Variants in CACNA1C observed in about 807,000 individuals in gnomAD.
The protein encoded by CACNA1C is calcium voltage-gated channel subunit alpha1 C.
In CACNA1C, 30 loss-of-function variants were observed where a neutral mutation model predicts 229.0. The ratio of observed to expected loss-of-function variants is 0.13; its 90% confidence interval spans 0.10 to 0.18. CACNA1C has a LOEUF of 0.18. CACNA1C is among the 10% of genes least tolerant of loss of function. The pLI is 1.00. For synonymous variants in CACNA1C, 1,114 were observed against 1,132.5 expected (o/e 0.98, Z 0.33); for missense variants, 1,658 against 2,845.0 (o/e 0.58, Z 9.49).
chr12:2,199,523 T>C (rs2097524502), intron 3 of CACNA1C, among the ~76,000 whole-genome samples: 1 of 152,190 alleles, frequency 6.6e-6, no homozygotes, highest in African/African-American at 2.4e-5. Flanking sequence ...ATATATAATA[T>C]GTGTTCATCG....
chr12:2,277,354 GACAGACAGACACACACACAC>G (rs1188480276), intron 3 of CACNA1C, among the ~76,000 whole-genome samples: 552 of 86,940 alleles, frequency 6.3e-3, no homozygotes, highest in Admixed American at 8.5e-3. Context: ...CAGACAGACA[GACAGACAGACACACACACAC>G]ACACACACAC....
chr12:2,199,713 C>T (rs188925546), intron 3 of CACNA1C, among the ~76,000 whole-genome samples: 27 of 152,206 alleles, frequency 1.8e-4, no homozygotes, highest in African/African-American at 5.5e-4. Context: ...TGTTGCCCCC[C>T]TCCCTTTTCC....
chr12:2,176,931 C>T (rs2154272147), intron 3 of CACNA1C, among the ~76,000 whole-genome samples: 1 of 152,326 alleles, frequency 6.6e-6, no homozygotes, highest in East Asian at 1.9e-4. Flanking sequence ...GGGAACTTCT[C>T]ATGATTCCAG....
intron 3 of CACNA1C, among the ~76,000 whole-genome samples, chr12:2,281,016 G>T (rs918001763): frequency 2.0e-5 from 3 of 152,094 alleles, no homozygotes; most frequent in African/African-American, 4.8e-5. Context: ...CAACGTGCAG[G>T]TTAGTTACAT....
Position 2,080,115 on chromosome 12 carries a change from A to T in CACNA1C, c.49+26504A>T, listed in dbSNP as rs554278517. On this transcript the variant is annotated intron_variant, in intron 1 of 46. Coordinates refer to ENST00000399655, the MANE Select transcript of CACNA1C (RefSeq NM_000719.7). Reference sequence around the variant, plus strand: ...GTCTCTACTAAAAATAACAAAAATTATCTGGGCATGGTGGCACACACCTAT... The same window carrying T: ...GTCTCTACTAAAAATAACAAAAATTTTCTGGGCATGGTGGCACACACCTAT... 2.0e-5 allele frequency among the ~76,000 whole-genome samples: 3 copies of T among 152,138 alleles called. No homozygotes were observed. The South Asian group carries it at 6.2e-4, about 32-fold the overall frequency.
At chr12:2,442,015 A>T (rs751025843) in intron 3 of CACNA1C, among the ~76,000 whole-genome samples, 2 of 152,188 alleles carry the variant, frequency 1.3e-5, no homozygotes, top group East Asian at 3.8e-4. Context: ...CCTTTTGCAC[A>T]TGAGAAAATA....
chr12:2,147,031 A>G (rs1176300842), intron 3 of CACNA1C, among the ~76,000 whole-genome samples: 1 of 150,892 alleles, frequency 6.6e-6, no homozygotes, highest in Non-Finnish European at 1.5e-5. Flanking sequence ...CCCAATTATC[A>G]AAGCAAATCA....
At chr12:2,208,375 G>T (rs1454034483) in intron 3 of CACNA1C, among the ~76,000 whole-genome samples, 1 of 152,242 alleles carries the variant, frequency 6.6e-6, no homozygotes, top group Non-Finnish European at 1.5e-5. Context: ...CTGAGAGGTT[G>T]CTGTGGCTTT....
At chr12:2,688,001 C>A (rs1227991213) in intron 45 of CACNA1C, among the ~76,000 whole-genome samples, 1 of 152,274 alleles carries the variant, frequency 6.6e-6, no homozygotes, top group African/African-American at 2.4e-5. Flanking sequence ...CGCTTCTTCA[C>A]AGACCTCATT....
At chr12:2,483,606 C>T (rs539317697) in intron 5 of CACNA1C, among the ~76,000 whole-genome samples, 1 of 152,226 alleles carries the variant, frequency 6.6e-6, no homozygotes, top group African/African-American at 2.4e-5. Flanking sequence ...AAAATGTATT[C>T]ATGTCTAAAG....
intron 3 of CACNA1C, among the ~76,000 whole-genome samples, chr12:2,198,906 C>T (rs866736208): frequency 6.6e-6 from 1 of 152,074 alleles, no homozygotes; most frequent in African/African-American, 2.4e-5. Flanking sequence ...GGTTTATTAT[C>T]GACAGATCTT....
intron 1 of CACNA1C, among the ~76,000 whole-genome samples, chr12:2,104,608 T>C (rs1369209628): frequency 1.3e-5 from 2 of 152,222 alleles, no homozygotes; most frequent in African/African-American, 4.8e-5. Context: ...CAATACTATG[T>C]TGAATAGGAG....
At chr12:1,981,467 C>G (rs1565815046) in intron 1 of CACNA1C, among the ~76,000 whole-genome samples, 1 of 152,188 alleles carries the variant, frequency 6.6e-6, no homozygotes. Context: ...TGCCTGCACT[C>G]TAACAGAGAA....
At chr12:2,216,644 C>T (rs2060046161) in intron 3 of CACNA1C, among the ~76,000 whole-genome samples, 1 of 152,188 alleles carries the variant, frequency 6.6e-6, no homozygotes, top group Admixed American at 6.5e-5. Flanking sequence ...ATCTGGGCAG[C>T]CTTTTAAAAA....
chr12:2,527,898 T>C (rs2099825250), intron 9 of CACNA1C, among the ~76,000 whole-genome samples: 1 of 152,182 alleles, frequency 6.6e-6, no homozygotes, highest in Non-Finnish European at 1.5e-5. Context: ...CCGAGCATCC[T>C]AGGTTTTCAT....
chr12:2,447,633 C>T (rs11062232), intron 3 of CACNA1C, among the ~76,000 whole-genome samples: 11,046 of 152,246 alleles, frequency 0.073, 494 homozygotes, highest in South Asian at 0.12. Context: ...GAATGGGAGC[C>T]CAGGGTACTG....
At chr12:2,313,213 G>A (rs1215876755) in intron 3 of CACNA1C, among the ~76,000 whole-genome samples, 2 of 152,190 alleles carry the variant, frequency 1.3e-5, no homozygotes, top group African/African-American at 4.8e-5. Context: ...TGCGAGGACT[G>A]GTTAAAGAGA....
At chr12:2,499,804 A>T (rs1248961838) in intron 7 of CACNA1C, among the ~76,000 whole-genome samples, 2 of 147,902 alleles carry the variant, frequency 1.4e-5, no homozygotes, top group African/African-American at 2.5e-5. Flanking sequence ...AATCTGGGTC[A>T]TTTTTTTTTT....
intron 3 of CACNA1C, among the ~76,000 whole-genome samples, chr12:2,210,060 G>C (rs1349168557): frequency 1.3e-5 from 2 of 152,200 alleles, no homozygotes; most frequent in African/African-American, 4.8e-5. Context: ...GGAGAGGCTC[G>C]AATTTTACTT....
Sources: allele counts gnomAD v4.1 joint callset (sites outside exome capture counted in the v4.1 genomes callset), GRCh38; gene constraint gnomAD v4.1.1; transcripts MANE v1.5; gene names NCBI Gene and HGNC (gene_info 2026-07-23, HGNC 2026-07-21).